The following THSD4 variants were observed in gnomAD, a reference collection of about 807,000 sequenced individuals.
THSD4 encodes thrombospondin type-1 domain-containing protein 4.
THSD4 carries 69 observed loss-of-function variants against 119.0 expected under a neutral mutation model. The ratio of observed to expected loss-of-function variants is 0.58; its 90% CI spans 0.48 to 0.71. THSD4 has a LOEUF of 0.71. Among genes scored for constraint, THSD4 ranks in the 30% least tolerant of loss-of-function variants. The pLI is 0.00. For missense variants in THSD4, 1,393 were observed against 1,391.1 expected (o/e 1.00, Z -0.02); for synonymous variants, 524 against 540.4 (o/e 0.97, Z 0.42).
chr15:71,152,453 A>G (rs1044371725), intron 2 of THSD4, among the ~76,000 whole-genome samples: 38 of 152,008 alleles, frequency 2.5e-4, no homozygotes, highest in African/African-American at 4.3e-4. Context: ...CAACAAAAGG[A>G]AAGTCTAGTC....
At chr15:71,209,341 A>G (rs2043870612) in intron 3 of THSD4, among the ~76,000 whole-genome samples, 1 of 152,148 alleles carries the variant, frequency 6.6e-6, no homozygotes, top group Non-Finnish European at 1.5e-5. Flanking sequence ...CATCCACTAG[A>G]CCACACGGAC....
chr15:71,136,206 G>A (rs751536211), intron 1 of THSD4, among the ~76,000 whole-genome samples: 14 of 151,658 alleles, frequency 9.2e-5, no homozygotes, highest in Non-Finnish European at 1.5e-4. Context: ...GCCAATTCCC[G>A]ACTCTTTTCT....
intron 7 of THSD4, among the ~76,000 whole-genome samples, chr15:71,656,656 G>A (rs1046623821): frequency 3.3e-5 from 5 of 152,162 alleles, no homozygotes; most frequent in Admixed American, 3.3e-4. Context: ...CACGACCTCC[G>A]ATCCTTTGAC....
rs147658550 is a variant in THSD4, at chr15:71,773,646, T to C, written c.2914+2438T>C. 1.9e-3 allele frequency among the ~76,000 whole-genome samples: 282 copies of C among 152,320 alleles called. 3 individuals carry two copies. The East Asian group carries it at 0.024, about 13-fold the overall frequency. On this transcript the variant is annotated intron_variant, in intron 17 of 17. Coordinates refer to ENST00000261862, the MANE Select transcript of THSD4 (RefSeq NM_024817.3). ...CTGTCAATGCCAAAGTTACTAAAGATGTCCAGGCCACAAGCCAGAGTTATG... is the reference window on the plus strand; with the variant it reads ...CTGTCAATGCCAAAGTTACTAAAGACGTCCAGGCCACAAGCCAGAGTTATG...
intron 7 of THSD4, among the ~76,000 whole-genome samples, chr15:71,652,430 A>G (rs1311833339): frequency 6.6e-6 from 1 of 152,234 alleles, no homozygotes; most frequent in South Asian, 2.1e-4. Context: ...TACTTTTATA[A>G]TAGAGCAATT....
chr15:71,776,584 G>T (rs1308468757), intron 17 of THSD4, among the ~76,000 whole-genome samples: 3 of 152,252 alleles, frequency 2.0e-5, no homozygotes, highest in East Asian at 3.9e-4. Context: ...TACCGACTTT[G>T]GAGAGCAAAC....
At chr15:71,570,179 A>C (rs550458555) in intron 7 of THSD4, among the ~76,000 whole-genome samples, 1 of 152,184 alleles carries the variant, frequency 6.6e-6, no homozygotes, top group Admixed American at 6.6e-5. Flanking sequence ...AACCTAACCA[A>C]TGTAATTATG....
intron 6 of THSD4, among the ~76,000 whole-genome samples, chr15:71,395,600 G>T (rs1020562068): frequency 6.6e-6 from 1 of 152,014 alleles, no homozygotes; most frequent in Non-Finnish European, 1.5e-5. Flanking sequence ...AATTAGCTGG[G>T]CATGATGGTG....
rs1555413343 is a variant in THSD4 at position 71,434,462 on chromosome 15, T to TTTTTTTTTTTA, written c.1152+22639_1152+22640insTTTTTTTTTTA. Among the ~76,000 whole-genome samples, 2 of 124,848 alleles carry TTTTTTTTTTTA rather than the reference T, an allele frequency of 1.6e-5. 1 individual carries two copies. Among genetic ancestry groups the TTTTTTTTTTTA allele is most frequent in the Non-Finnish European group, 3.2e-5 (2 of 61,580 alleles). The allele number at this position is 124,848 out of a possible 152,430, so 81.9% of individuals were successfully genotyped here. A position where few individuals can be genotyped will look rare whatever the true frequency, so the allele number is the denominator to read the frequency against. On this transcript the variant is annotated intron_variant, in intron 7 of 17. Transcript: ENST00000261862. ...TTTTTTTTTTTTTTTTTTTTTTTTT[T>TTTTTTTTTTTA]AATTTCTGAAGGGGTTTAAGGATTG...
chr15:71,479,814 T>C (rs1048937291), intron 7 of THSD4, among the ~76,000 whole-genome samples: 1 of 152,230 alleles, frequency 6.6e-6, no homozygotes, highest in African/African-American at 2.4e-5. Context: ...TATTTTCATT[T>C]GCACTTAAAA....
At chr15:71,541,945 G>A (rs2048765695) in intron 7 of THSD4, among the ~76,000 whole-genome samples, 1 of 152,198 alleles carries the variant, frequency 6.6e-6, no homozygotes, top group South Asian at 2.1e-4. Flanking sequence ...GAGGCTGGAA[G>A]GGCAGGAAGA....
intron 8 of THSD4, among the ~76,000 whole-genome samples, chr15:71,706,588 C>T (rs567235920): frequency 1.3e-5 from 2 of 152,302 alleles, no homozygotes; most frequent in Admixed American, 1.3e-4. Context: ...AAGACTGTAG[C>T]ACCAGCTCCC....
intron 8 of THSD4, among the ~76,000 whole-genome samples, chr15:71,690,987 G>A (rs2052036759): frequency 6.6e-6 from 1 of 152,208 alleles, no homozygotes; most frequent in Non-Finnish European, 1.5e-5. Flanking sequence ...AGACCCTTGT[G>A]ATGGAAAGAT....
chr15:71,438,452 C>A (rs1406384803), intron 7 of THSD4, among the ~76,000 whole-genome samples: 1 of 152,080 alleles, frequency 6.6e-6, no homozygotes, highest in African/African-American at 2.4e-5. Flanking sequence ...AAGAAATCAT[C>A]CTGTTTTCTT....
chr15:71,362,515 G>T (rs962488724), intron 6 of THSD4, among the ~76,000 whole-genome samples: 2 of 152,130 alleles, frequency 1.3e-5, no homozygotes, highest in Non-Finnish European at 2.9e-5. Context: ...AGAGAGAAAA[G>T]CCTAGCCTCA....
At chr15:71,280,038 T>C (rs1596311451) in intron 6 of THSD4, among the ~76,000 whole-genome samples, 1 of 152,316 alleles carries the variant, frequency 6.6e-6, no homozygotes, top group East Asian at 1.9e-4. Context: ...CATTCCACTA[T>C]TGGTGACTGG....
At chr15:71,416,695 C>CATTTTATTTTATTTT (rs201029327) in intron 7 of THSD4, among the ~76,000 whole-genome samples, 2 of 96,532 alleles carry the variant, frequency 2.1e-5, no homozygotes, top group African/African-American at 7.4e-5. Flanking sequence ...TATTTTGTTT[C>CATTTTATTTTATTTT]ATTTTATTTT....
intron 7 of THSD4, among the ~76,000 whole-genome samples, chr15:71,460,040 A>G: frequency 6.6e-6 from 1 of 152,232 alleles, no homozygotes. Context: ...ACTAATGTCT[A>G]TCCTATAATA....
chr15:71,199,546 T>C, intron 3 of THSD4, among the ~76,000 whole-genome samples: 1 of 137,678 alleles, frequency 7.3e-6, no homozygotes, highest in Non-Finnish European at 1.5e-5. Flanking sequence ...TGTGTGTATG[T>C]GTGGTGTGTG....
Sources: gnomAD v4.1 joint callset for allele counts (sites outside exome capture counted in the v4.1 genomes callset) on GRCh38, gnomAD v4.1.1 for gene constraint, MANE v1.5 for transcripts, NCBI Gene and HGNC (gene_info 2026-07-23, HGNC 2026-07-21) for gene names.